ENTHD1: variants seen among roughly 807,000 people sequenced by gnomAD.
The protein encoded by ENTHD1 is ENTH domain-containing protein 1.
A neutral mutation model predicts 39.1 loss-of-function variants in ENTHD1; 23 were observed. The ratio of observed to expected loss-of-function variants is 0.59; its 90% CI spans 0.42 to 0.83. ENTHD1 has a LOEUF of 0.83. Among genes scored for constraint, ENTHD1 ranks in the 40% least tolerant of loss-of-function variants. The pLI, the probability that ENTHD1 is intolerant of heterozygous loss-of-function variation, is 0.00. For synonymous variants in ENTHD1, 230 were observed against 258.2 expected, an observed-to-expected ratio of 0.89 and a Z score of 1.05; for missense variants, 624 against 705.4, an observed-to-expected ratio of 0.88 and a Z score of 1.31.
At chr22:39,788,494 G>C (rs764278365) in intron 5 of ENTHD1, among the ~76,000 whole-genome samples, 17 of 152,204 alleles carry the variant, frequency 1.1e-4, no homozygotes, top group Admixed American at 2.6e-4. Context: ...TTATGGATGA[G>C]CAAAGAAAGT....
At chr22:39,784,940 C>G (rs947528203) in intron 5 of ENTHD1, among the ~76,000 whole-genome samples, 1 of 152,064 alleles carries the variant, frequency 6.6e-6, no homozygotes, top group Non-Finnish European at 1.5e-5. Flanking sequence ...TCAAATGGTT[C>G]TAGCATAAAG....
At chr22:39,852,446 GT>G (rs1387814009) in intron 3 of ENTHD1, among the ~76,000 whole-genome samples, 1 of 152,140 alleles carries the variant, frequency 6.6e-6, no homozygotes, top group Non-Finnish European at 1.5e-5. Context: ...GAGTATAATG[GT>G]TTTCCGAAAC....
At chr22:39,885,906 T>C (rs1206626486) in intron 2 of ENTHD1, among the ~76,000 whole-genome samples, 4 of 152,204 alleles carry the variant, frequency 2.6e-5, no homozygotes, top group African/African-American at 9.6e-5. Context: ...ACACTGTGAA[T>C]GTAATTAATG....
intron 5 of ENTHD1, among the ~76,000 whole-genome samples, chr22:39,817,880 T>G (rs1372021054): frequency 6.6e-6 from 1 of 152,212 alleles, no homozygotes; most frequent in Non-Finnish European, 1.5e-5. Flanking sequence ...TATAATTTGA[T>G]GGAAGATTGT....
At chr22:39,756,316 TCACACACACACA>T (rs924008247) in intron 6 of ENTHD1, among the ~76,000 whole-genome samples, 1 of 138,012 alleles carries the variant, frequency 7.2e-6, no homozygotes, top group Admixed American at 7.1e-5. Context: ...TCTCTCTCTC[TCACACACACACA>T]CACACACACA....
At chr22:39,813,668 G>C (rs1426813541) in intron 5 of ENTHD1, among the ~76,000 whole-genome samples, 1 of 152,130 alleles carries the variant, frequency 6.6e-6, no homozygotes, top group Non-Finnish European at 1.5e-5. Context: ...GGAAGTCCAC[G>C]ATCACACTTT....
intron 4 of ENTHD1, among the ~76,000 whole-genome samples, chr22:39,826,177 A>G (rs1388509368): frequency 6.6e-6 from 1 of 152,172 alleles, no homozygotes; most frequent in African/African-American, 2.4e-5. Flanking sequence ...CTGGCCCGTA[A>G]GTATAAAGTT....
At chr22:39,746,391 G>A (rs1376503281) in intron 6 of ENTHD1, among the ~76,000 whole-genome samples, 1 of 151,948 alleles carries the variant, frequency 6.6e-6, no homozygotes, top group Non-Finnish European at 1.5e-5. Context: ...TTTCTTTGAG[G>A]ATAATAAGCT....
intron 5 of ENTHD1, among the ~76,000 whole-genome samples, chr22:39,766,948 C>T: frequency 6.6e-6 from 1 of 152,142 alleles, no homozygotes; most frequent in East Asian, 1.9e-4. Flanking sequence ...TGCCCTGACC[C>T]TTTTCTTTCC....
chr22:39,861,926 G>A lies in ENTHD1; in HGVS notation c.431C>T (p.Ala144Val), dbSNP rs755714105. 1.6e-5 allele frequency: 25 copies of A among 1,599,202 alleles called. No individual in the cohort carries two copies. The highest frequency in any genetic ancestry group is 2.2e-5 in the East Asian group (1 of 44,770). ...GGAGGTACGCTGTCTAGTCCGACATGCCACTTCCCTCTCTTTACACAGCAA... is the reference window on the plus strand; with the variant it reads ...GGAGGTACGCTGTCTAGTCCGACATACCACTTCCCTCTCTTTACACAGCAA... ...EPLLCKEREV[A>V]CRTRQRTSHS... The change falls in exon 3 of 7, where the codon GCA becomes GTA. Residue 144 changes from alanine to valine, a missense_variant. By Grantham distance (64) the Ala-to-Val change is moderately conservative. Transcript: ENST00000325157.
At chr22:39,855,780 C>A (rs1013368980) in intron 3 of ENTHD1, among the ~76,000 whole-genome samples, 3 of 152,006 alleles carry the variant, frequency 2.0e-5, no homozygotes, top group African/African-American at 7.3e-5. Context: ...CAAAAATAGC[C>A]CTGAAGCCAA....
chr22:39,751,903 A>C (rs926255942), intron 6 of ENTHD1, among the ~76,000 whole-genome samples: 1 of 152,148 alleles, frequency 6.6e-6, no homozygotes, highest in Non-Finnish European at 1.5e-5. Context: ...CCTTTACTAC[A>C]TTTATACTCT....
In ENTHD1 at chr22:39,861,849, C is replaced by T. The variant is rs770907654; in HGVS notation, c.508G>A (p.Ala170Thr). The change falls in exon 3 of 7, where the codon GCG becomes ACG. Residue 170 changes from alanine to threonine, a missense_variant. By Grantham distance (58) the Ala-to-Thr change is moderately conservative (BLOSUM62 0). Transcript: ENST00000325157. ...RQLGSSNSLT[A>T]CTSAPTPDIS... Reference sequence around the variant, plus strand: ...TCCGGTGTGGGGGCAGAAGTGCACGCTGTCAGTGAGTTACTTGAACCAAGT... The same window carrying T: ...TCCGGTGTGGGGGCAGAAGTGCACGTTGTCAGTGAGTTACTTGAACCAAGT... The T allele has an allele frequency of 6.2e-7, 1 of 1,605,120 alleles. No individual in the cohort carries two copies. Among genetic ancestry groups the T allele is most frequent in the Non-Finnish European group, 8.5e-7 (1 of 1,174,020 alleles).
At chr22:39,793,924 G>T (rs2065525710) in intron 5 of ENTHD1, among the ~76,000 whole-genome samples, 1 of 152,120 alleles carries the variant, frequency 6.6e-6, no homozygotes, top group Admixed American at 6.5e-5. Flanking sequence ...CTTTGCTCAG[G>T]ATCACTTCGG....
At chr22:39,779,408 A>G (rs2065390712) in intron 5 of ENTHD1, among the ~76,000 whole-genome samples, 1 of 152,182 alleles carries the variant, frequency 6.6e-6, no homozygotes, top group Non-Finnish European at 1.5e-5. Context: ...AGATCCAAAT[A>G]GAACTTCTAA....
intron 5 of ENTHD1, among the ~76,000 whole-genome samples, chr22:39,814,409 G>T (rs916362885): frequency 6.6e-6 from 1 of 152,050 alleles, no homozygotes; most frequent in Non-Finnish European, 1.5e-5. Flanking sequence ...GCAGTGAACC[G>T]CAATTGTGCC....
intron 2 of ENTHD1, among the ~76,000 whole-genome samples, chr22:39,880,880 C>T (rs1403681867): frequency 6.6e-6 from 1 of 152,174 alleles, no homozygotes; most frequent in South Asian, 2.1e-4. Context: ...CAACAATATA[C>T]TGTAGTTGTT....
intron 5 of ENTHD1, among the ~76,000 whole-genome samples, chr22:39,789,422 G>C (rs2065486517): frequency 6.6e-6 from 1 of 151,888 alleles, no homozygotes; most frequent in Non-Finnish European, 1.5e-5. Flanking sequence ...AACTGAAGCT[G>C]CCCTCTGTTA....
chr22:39,852,218 T>G (rs1184941299), intron 3 of ENTHD1, among the ~76,000 whole-genome samples: 2 of 150,556 alleles, frequency 1.3e-5, no homozygotes, highest in East Asian at 3.9e-4. Context: ...TGGTGGCGCA[T>G]GCCTGCAGTC....
Sources: allele counts gnomAD v4.1 joint callset (sites outside exome capture counted in the v4.1 genomes callset), GRCh38; gene constraint gnomAD v4.1.1; transcripts MANE v1.5; gene names NCBI Gene and HGNC (gene_info 2026-07-23, HGNC 2026-07-21).